The following MTMR3 variants were observed in gnomAD, a reference collection of about 807,000 sequenced individuals.
MTMR3 encodes the protein phosphatidylinositol-3,5-bisphosphate 3-phosphatase MTMR3.
Under a neutral mutation model 132.4 loss-of-function variants are expected in MTMR3, and 32 were observed. The observed-to-expected ratio is 0.24, with a 90% CI of 0.18 to 0.32. MTMR3 has a LOEUF of 0.32. Ranked by LOEUF, MTMR3 falls within the 10% of genes least tolerant of loss-of-function variation. The pLI, the probability that MTMR3 is intolerant of heterozygous loss-of-function variation, is 1.00. For synonymous variants in MTMR3, 556 were observed against 550.3 expected (o/e 1.01, Z -0.14); for missense variants, 1,216 against 1,489.6 (o/e 0.82, Z 3.02).
At chr22:29,901,881 A>G (rs1040885379) in intron 1 of MTMR3, among the ~76,000 whole-genome samples, 1 of 152,170 alleles carries the variant, frequency 6.6e-6, no homozygotes, top group Non-Finnish European at 1.5e-5. Context: ...GTTTTTATGT[A>G]TCAGTAATTA....
intron 1 of MTMR3, among the ~76,000 whole-genome samples, chr22:29,894,394 T>G (rs2064853870): frequency 6.6e-6 from 1 of 152,144 alleles, no homozygotes; most frequent in African/African-American, 2.4e-5. Flanking sequence ...CATCTAGTTT[T>G]TTTCTTCTTA....
At chr22:29,943,425 C>G (rs565888089) in intron 1 of MTMR3, among the ~76,000 whole-genome samples, 30 of 152,076 alleles carry the variant, frequency 2.0e-4, no homozygotes. Flanking sequence ...GATCTGACCT[C>G]GTGATCCGCC....
chr22:29,884,169 A>G (rs1287873937), intron 1 of MTMR3, among the ~76,000 whole-genome samples: 1 of 152,174 alleles, frequency 6.6e-6, no homozygotes, highest in Non-Finnish European at 1.5e-5. Context: ...GCTATTACAT[A>G]TTGATGTTCA....
At chr22:29,954,057 G>GTTTTTTTTTTTTTTTTTT (rs753326368) in intron 1 of MTMR3, among the ~76,000 whole-genome samples, 2 of 49,090 alleles carry the variant, frequency 4.1e-5, no homozygotes, top group African/African-American at 1.8e-4. Flanking sequence ...TTTCAAATGA[G>GTTTTTTTTTTTTTTTTTT]TCTTTTTTTT....
intron 5 of MTMR3, chr22:29,980,771 A>G (rs1287803384): frequency 2.0e-5 from 3 of 152,184 alleles, no homozygotes; most frequent in Non-Finnish European, 4.4e-5. Flanking sequence ...GCAAGCAGGA[A>G]AGAAAGAAAG....
chr22:29,995,700 C>A (rs2067047320), intron 7 of MTMR3: 1 of 152,160 alleles, frequency 6.6e-6, no homozygotes, highest in Non-Finnish European at 1.5e-5. Flanking sequence ...GTTGGGATAT[C>A]ACAATGTATT....
chr22:30,020,514 C>G lies in MTMR3; in HGVS notation c.2855C>G (p.Pro952Arg), dbSNP rs747049396. Residue 952 changes from proline (P) to arginine (R), a missense_variant, in exon 17 of 20, where the codon CCC becomes CGC. Physicochemically the swap from Pro to Arg is moderately radical, Grantham distance 103. Around this residue, in one of 7 missense-constraint regions of MTMR3, gnomAD observed 852 missense variants for 852.0 expected, o/e 1.00. Coordinates refer to ENST00000401950, the MANE Select transcript of MTMR3 (RefSeq NM_021090.4). Reference sequence around the variant, plus strand: ...GGTCTTAGCACCCTCCAGATGTACCCCACACCCAATGGGCATTGCGCCAAT... The same window carrying G: ...GGTCTTAGCACCCTCCAGATGTACCGCACACCCAATGGGCATTGCGCCAAT... The part of the protein sequence containing the change: ...PPGLSTLQMY[P>R]TPNGHCANGE... The G allele has an allele frequency of 6.2e-7, 1 of 1,614,172 alleles. No homozygotes were observed.
rs1407769920 is a variant in MTMR3 at position 30,028,883 on chromosome 22, CTG to C, written c.*3086_*3087del. 1.3e-5 allele frequency: 2 copies of C among 152,392 alleles called. No homozygotes were observed. The highest frequency in any genetic ancestry group is 4.8e-5 in the African/African-American group (2 of 41,464). The allele number at this position is 152,392 out of a possible 1,614,324, so 9.4% of individuals were successfully genotyped here. ...CCCTCAGTCCGCCAGGCAGCCCAGT[CTG>C]TGTATTCATATGAAGTTGTGAAAAC... On this transcript the variant is annotated 3_prime_UTR_variant, in exon 20 of 20. Coordinates refer to ENST00000401950, the MANE Select transcript of MTMR3 (RefSeq NM_021090.4).
intron 9 of MTMR3, chr22:30,006,100 A>C (rs1261441952): frequency 6.6e-6 from 1 of 152,240 alleles, no homozygotes; most frequent in Non-Finnish European, 1.5e-5. Flanking sequence ...TCAGTGTCCT[A>C]GCCTGTATCA....
intron 1 of MTMR3, among the ~76,000 whole-genome samples, chr22:29,927,420 A>G (rs145484620): frequency 2.6e-5 from 4 of 152,332 alleles, no homozygotes; most frequent in African/African-American, 7.2e-5. Context: ...CATTGAATCT[A>G]TAGATCATTT....
At chr22:29,955,625 T>C (rs1444549662) in intron 1 of MTMR3, among the ~76,000 whole-genome samples, 1 of 152,256 alleles carries the variant, frequency 6.6e-6, no homozygotes, top group African/African-American at 2.4e-5. Flanking sequence ...TGGCCTGAGT[T>C]ATAAAACATA....
intron 1 of MTMR3, among the ~76,000 whole-genome samples, chr22:29,905,913 C>T (rs1247799242): frequency 6.6e-6 from 1 of 152,146 alleles, no homozygotes; most frequent in African/African-American, 2.4e-5. Context: ...TTAGCTGTTA[C>T]ATATTAACTT....
intron 2 of MTMR3, among the ~76,000 whole-genome samples, chr22:29,965,113 C>G (rs2066389168): frequency 6.6e-6 from 1 of 151,974 alleles, no homozygotes; most frequent in Admixed American, 6.6e-5. Context: ...TCTCAGCATC[C>G]CGTTTGTTTC....
chr22:29,935,325 G>A (rs73398604), intron 1 of MTMR3, among the ~76,000 whole-genome samples: 6,590 of 152,194 alleles, frequency 0.043, 478 homozygotes, highest in African/African-American at 0.15. Flanking sequence ...CATTGGGAGT[G>A]GAAGCAGGAG....
Position 30,025,880 on chromosome 22 carries a change from C to T in MTMR3, c.*79C>T. The T allele has an allele frequency of 2.0e-6, 3 of 1,502,996 alleles. No individual in the cohort carries two copies. The highest frequency in any genetic ancestry group is 2.8e-6 in the Non-Finnish European group (3 of 1,086,748). The allele number at this position is 1,502,996 out of a possible 1,614,324, so 93.1% of individuals were successfully genotyped here. A position where few individuals can be genotyped will look rare whatever the true frequency, so the allele number is the denominator to read the frequency against. ...ACTCAACCTGGGCAGACCGAGAGGC[C>T]CGTGCACTTTGGAATGGGAGCGTGG... On this transcript the variant is annotated 3_prime_UTR_variant, in exon 20 of 20. Coordinates refer to ENST00000401950, the MANE Select transcript of MTMR3 (RefSeq NM_021090.4).
intron 12 of MTMR3, chr22:30,009,977 A>G (rs1048858204): frequency 1.3e-5 from 2 of 152,186 alleles, no homozygotes; most frequent in Middle Eastern, 3.2e-3. Context: ...TGCCTAAACC[A>G]CTTATATTGA....
intron 7 of MTMR3, 71 bp from the exon 8 acceptor site, chr22:29,998,690 T>A: frequency 1.0e-6 from 1 of 952,616 alleles, no homozygotes; most frequent in African/African-American, 1.7e-5. Flanking sequence ...TATATTTCTT[T>A]GTTTTTATTC....
chr22:29,989,667 A>AC (rs1339992732), intron 6 of MTMR3: 2 of 152,002 alleles, frequency 1.3e-5, no homozygotes, highest in Non-Finnish European at 2.9e-5. Flanking sequence ...TATTTTCTCA[A>AC]CTGGAATACT....
chr22:29,995,225 T>C (rs1037769140), intron 7 of MTMR3: 4 of 152,258 alleles, frequency 2.6e-5, no homozygotes, highest in Non-Finnish European at 4.4e-5. Flanking sequence ...TTGAATGCAG[T>C]CCAGGAAGTT....
Sources: allele counts gnomAD v4.1 joint callset (sites outside exome capture counted in the v4.1 genomes callset), GRCh38; gene constraint gnomAD v4.1.1; regional missense constraint gnomAD v4.1.1; transcripts MANE v1.5; gene names NCBI Gene and HGNC (gene_info 2026-07-23, HGNC 2026-07-21).